Variants in NEK10 observed in about 807,000 individuals in gnomAD.
NEK10 encodes the protein serine/threonine-protein kinase Nek10.
Under a neutral mutation model 159.8 loss-of-function variants are expected in NEK10, and 122 were observed. That is an observed-to-expected ratio of 0.76 (90% CI 0.66 to 0.89). NEK10 has a LOEUF of 0.89. Among genes scored for constraint, NEK10 ranks in the 40% least tolerant of loss-of-function variants. The probability of loss-of-function intolerance (pLI) is 0.00; values close to 1 mark genes in which losing one functional copy is unlikely to be tolerated. For synonymous variants in NEK10, 466 were observed against 457.1 expected (o/e 1.02, Z -0.25); for missense variants, 1,342 against 1,323.1 (o/e 1.01, Z -0.22).
chr3:27,322,947 T>C (rs1351289121), intron 5 of NEK10, among the ~76,000 whole-genome samples: 2 of 152,288 alleles, frequency 1.3e-5, no homozygotes, highest in East Asian at 1.9e-4. Context: ...TTTTAGAAAA[T>C]TGAAAATACC....
intron 6 of NEK10, among the ~76,000 whole-genome samples, chr3:27,320,409 C>T (rs1053809483): frequency 4.6e-5 from 7 of 152,144 alleles, no homozygotes; most frequent in Non-Finnish European, 7.3e-5. Context: ...TCCTGGAAAA[C>T]GTTATTAATA....
At position 27,110,534 on chromosome 3, in the gene NEK10, C is replaced by T. The variant is rs1327274741; in HGVS notation, c.*738G>A. ...AGCAAAGCATTAGTCTAATCAAAAC[C>T]TCTCTCCTTCCGCCCTCATATATAA... is the stretch of plus-strand genomic sequence containing the variant. On this transcript the variant is annotated 3_prime_UTR_variant, in exon 36 of 36. Coordinates refer to ENST00000691995, the MANE Select transcript of NEK10 (RefSeq NM_001394966.1). 6.6e-6 allele frequency: 1 copy of T among 151,904 alleles called. No individual in the cohort carries two copies. The highest frequency in any genetic ancestry group is 1.5e-5 in the Non-Finnish European group (1 of 67,984). 9.4% of individuals were successfully genotyped at this position (151,904 alleles called of 1,614,324 possible).
chr3:27,180,585 T>C (rs62255212), intron 26 of NEK10, among the ~76,000 whole-genome samples: 39,839 of 152,052 alleles, frequency 0.26, 5,372 homozygotes, highest in Middle Eastern at 0.39. Flanking sequence ...GAATTAGAAA[T>C]GAGTGGTTAT....
chr3:27,304,714 G>T, intron 12 of NEK10, 33 bp downstream of exon 12: 2 of 1,405,824 alleles, frequency 1.4e-6, no homozygotes, highest in South Asian at 1.2e-5. Context: ...TCAACAAACA[G>T]GGCAAAGTAG....
At chr3:27,209,413 G>T (rs1047203309) in intron 23 of NEK10, among the ~76,000 whole-genome samples, 2 of 152,126 alleles carry the variant, frequency 1.3e-5, no homozygotes, top group Non-Finnish European at 2.9e-5. Context: ...TTTATATTGG[G>T]CATTTGGGAC....
Position 27,236,080 on chromosome 3 carries a change from A to G in NEK10, c.2090+20216T>C, listed in dbSNP as rs548731063. On this transcript the variant is annotated intron_variant, in intron 23 of 35. Coordinates refer to ENST00000691995, the MANE Select transcript of NEK10 (RefSeq NM_001394966.1). Reference sequence around the variant, plus strand: ...AAACAAATACTGCACATTCTTACTTATAAGTGGGAGCTAAATGATGAGAAC... The same window carrying G: ...AAACAAATACTGCACATTCTTACTTGTAAGTGGGAGCTAAATGATGAGAAC... Among the ~76,000 whole-genome samples, 4 of 152,200 alleles carry G rather than the reference A, an allele frequency of 2.6e-5. No individual in the cohort carries two copies. In the South Asian group the frequency reaches 6.2e-4, roughly 24 times the overall value.
intron 30 of NEK10, chr3:27,143,483 A>G (rs776743255): frequency 5.3e-6 from 4 of 760,272 alleles, no homozygotes; most frequent in Non-Finnish European, 9.6e-6. Context: ...CCCTAAATAC[A>G]AAAACAAAGA....
At chr3:27,135,845 T>G (rs1943135830) in intron 31 of NEK10, among the ~76,000 whole-genome samples, 2 of 152,186 alleles carry the variant, frequency 1.3e-5, no homozygotes, top group African/African-American at 4.8e-5. Flanking sequence ...TATCTTATTC[T>G]GTTAAATCTA....
chr3:27,301,863 C>T, intron 12 of NEK10, 28 bp from the exon 13 acceptor site: 1 of 1,530,986 alleles, frequency 6.5e-7, no homozygotes, highest in Non-Finnish European at 8.9e-7. Context: ...ATGCATAGAC[C>T]ATTTATCAAT....
intron 31 of NEK10, among the ~76,000 whole-genome samples, chr3:27,133,905 T>C (rs17316869): frequency 0.053 from 8,123 of 152,326 alleles, 307 homozygotes; most frequent in Non-Finnish European, 0.083. Context: ...TTGGCAGCAC[T>C]GAGTCTCCTC....
intron 24 of NEK10, 48 bp downstream of exon 24, chr3:27,202,380 T>C (rs34940413): frequency 0.25 from 385,774 of 1,531,918 alleles, 51,113 homozygotes; most frequent in Middle Eastern, 0.39. Context: ...AGAAAAAGAA[T>C]TGCATTTTTA....
At chr3:27,349,515 C>A (rs2047814079) in intron 3 of NEK10, among the ~76,000 whole-genome samples, 1 of 152,138 alleles carries the variant, frequency 6.6e-6, no homozygotes, top group Non-Finnish European at 1.5e-5. Flanking sequence ...AACATAAGAA[C>A]CACCACCATG....
intron 30 of NEK10, among the ~76,000 whole-genome samples, chr3:27,144,347 C>G (rs1010061468): frequency 6.6e-6 from 1 of 152,202 alleles, no homozygotes; most frequent in Non-Finnish European, 1.5e-5. Context: ...CCTTTGCTTT[C>G]AATTTCTCAT....
At chr3:27,140,837 A>G (rs1055783778) in intron 31 of NEK10, among the ~76,000 whole-genome samples, 1 of 152,196 alleles carries the variant, frequency 6.6e-6, no homozygotes, top group Non-Finnish European at 1.5e-5. Flanking sequence ...ACCACATAAG[A>G]TACACAATTT....
At chr3:27,193,695 A>G (rs1949322539) in intron 25 of NEK10, among the ~76,000 whole-genome samples, 1 of 138,198 alleles carries the variant, frequency 7.2e-6, no homozygotes, top group South Asian at 2.2e-4. Flanking sequence ...CCAAAATCCC[A>G]CTATTTTTCC....
chr3:27,171,305 T>C lies in NEK10; in HGVS notation c.2831+514A>G, dbSNP rs549630755. Among the ~76,000 whole-genome samples the C allele has an allele frequency of 3.9e-5, 6 of 152,286 alleles. 1 individual carries two copies. Among genetic ancestry groups the C allele is most frequent in the East Asian group, 1.9e-4 (1 of 5,176 alleles). On this transcript the variant is annotated intron_variant, in intron 29 of 35. Transcript: ENST00000691995. ...CATCCCTTGCAACTAGCTGTGGTCATATGAGGAAGTTCTGGCCAATGGTAT... is the reference window on the plus strand; with the variant it reads ...CATCCCTTGCAACTAGCTGTGGTCACATGAGGAAGTTCTGGCCAATGGTAT...
chr3:27,290,535 T>C, intron 19 of NEK10, 82 bp downstream of exon 19: 2 of 1,027,626 alleles, frequency 1.9e-6, no homozygotes, highest in South Asian at 1.8e-5. Context: ...ATAAGCAGCA[T>C]GGACAAGAGC....
At chr3:27,300,776 G>A (rs979142281) in intron 13 of NEK10, among the ~76,000 whole-genome samples, 8 of 152,176 alleles carry the variant, frequency 5.3e-5, no homozygotes, top group Non-Finnish European at 1.2e-4. Flanking sequence ...GACTTCTGGG[G>A]AGTCTTCAAA....
chr3:27,179,299 A>G (rs1481310806), intron 26 of NEK10, among the ~76,000 whole-genome samples: 1 of 152,180 alleles, frequency 6.6e-6, no homozygotes, highest in Non-Finnish European at 1.5e-5. Context: ...ATTTACACAA[A>G]GCTAAAAATT....
Sources: allele counts gnomAD v4.1 joint callset (sites outside exome capture counted in the v4.1 genomes callset), GRCh38; gene constraint gnomAD v4.1.1; transcripts MANE v1.5; gene names NCBI Gene and HGNC (gene_info 2026-07-23, HGNC 2026-07-21).